ADAMTSL1: variants seen among roughly 807,000 people sequenced by gnomAD.
ADAMTSL1 encodes ADAMTS-like protein 1.
A neutral mutation model predicts 201.8 loss-of-function variants in ADAMTSL1; 126 were observed. That is an observed-to-expected ratio of 0.62 (90% CI 0.54 to 0.72). The LOEUF is 0.72. Among genes scored for constraint, ADAMTSL1 ranks in the 30% least tolerant of loss-of-function variants. ADAMTSL1 has a pLI of 0.00. For synonymous variants in ADAMTSL1, 1,121 were observed against 903.4 expected, an observed-to-expected ratio of 1.24 and a Z score of -4.32; for missense variants, 2,679 against 2,277.8, an observed-to-expected ratio of 1.18 and a Z score of -3.59.
At chr9:18,259,091 C>G (rs763969564) in intron 2 of ADAMTSL1, among the ~76,000 whole-genome samples, 13 of 152,198 alleles carry the variant, frequency 8.5e-5, no homozygotes, top group Non-Finnish European at 1.3e-4. Flanking sequence ...CATATTTCTC[C>G]TGGCTCCATA....
intron 16 of ADAMTSL1, among the ~76,000 whole-genome samples, chr9:18,756,818 AACACAGTGTTACC>A (rs1204130262): frequency 1.6e-4 from 25 of 151,976 alleles, no homozygotes; most frequent in African/African-American, 5.8e-4. Context: ...TCTCTGTGTG[AACACAGTGTTACC>A]ACTGACCTCA....
intron 15 of ADAMTSL1, chr9:18,723,619 C>T: frequency 6.5e-6 from 1 of 154,906 alleles, no homozygotes; most frequent in South Asian, 2.0e-4. Context: ...TCTCTGATTT[C>T]CCACCAGCCA....
chr9:18,548,082 C>T (rs1820582371), intron 3 of ADAMTSL1, among the ~76,000 whole-genome samples: 1 of 151,922 alleles, frequency 6.6e-6, no homozygotes, highest in African/African-American at 2.4e-5. Context: ...AAAGTCAATC[C>T]TCTTTATTGA....
chr9:18,071,971 C>T (rs569246697), intron 1 of ADAMTSL1, among the ~76,000 whole-genome samples: 2 of 152,154 alleles, frequency 1.3e-5, no homozygotes, highest in Non-Finnish European at 2.9e-5. Flanking sequence ...TAATATAGAA[C>T]AAGCTTAATG....
chr9:18,604,442 G>A (rs1218238471), intron 4 of ADAMTSL1, among the ~76,000 whole-genome samples: 1 of 152,168 alleles, frequency 6.6e-6, no homozygotes, highest in African/African-American at 2.4e-5. Flanking sequence ...CTAACCCCCA[G>A]TAATCACCAT....
chr9:18,478,436 C>A (rs1821568675), intron 1 of ADAMTSL1, among the ~76,000 whole-genome samples: 1 of 151,500 alleles, frequency 6.6e-6, no homozygotes, highest in South Asian at 2.1e-4. Context: ...CGTGTAGATA[C>A]AGTTTGTGAA....
At chr9:18,496,615 A>T (rs970722742) in intron 1 of ADAMTSL1, among the ~76,000 whole-genome samples, 5 of 152,174 alleles carry the variant, frequency 3.3e-5, no homozygotes, top group Non-Finnish European at 5.9e-5. Context: ...CCCTATTATC[A>T]GTTATAATTT....
chr9:18,197,319 T>A (rs1035551756), intron 2 of ADAMTSL1, among the ~76,000 whole-genome samples: 30 of 152,036 alleles, frequency 2.0e-4, no homozygotes, highest in Admixed American at 6.6e-4. Context: ...GAGCATGGAA[T>A]GTTCTTCCAT....
At chr9:18,578,530 A>G (rs1822884545) in intron 4 of ADAMTSL1, among the ~76,000 whole-genome samples, 1 of 152,176 alleles carries the variant, frequency 6.6e-6, no homozygotes, top group Non-Finnish European at 1.5e-5. Context: ...TCTAGGTTGG[A>G]ATCTAAGCTC....
chr9:17,974,814 A>G (rs779135961), intron 1 of ADAMTSL1, among the ~76,000 whole-genome samples: 6 of 152,074 alleles, frequency 3.9e-5, no homozygotes, highest in African/African-American at 4.8e-5. Flanking sequence ...TATGTTGGCT[A>G]TTATGAATAA....
chr9:18,661,885 AT>A lies in ADAMTSL1; in HGVS notation c.947-48del, dbSNP rs1017208369. 2.6e-6 allele frequency: 4 copies of A among 1,558,436 alleles called. No individual in the cohort carries two copies. In the Admixed American group the frequency reaches 5.8e-5, roughly 23 times the overall value. On this transcript the variant is annotated intron_variant, in intron 8 of 28. Transcript: ENST00000380548. ...CTGGCCAAAATGCATAAAGAAATAT[AT>A]TGCATTGGCATGTACATTTAAACTT...
At chr9:18,639,933 C>G (rs1827340125) in intron 7 of ADAMTSL1, among the ~76,000 whole-genome samples, 1 of 152,076 alleles carries the variant, frequency 6.6e-6, no homozygotes, top group Non-Finnish European at 1.5e-5. Flanking sequence ...GCACATTCTG[C>G]TGGAAAAGTG....
intron 13 of ADAMTSL1, among the ~76,000 whole-genome samples, chr9:18,686,275 C>A (rs1455201885): frequency 6.6e-6 from 1 of 152,174 alleles, no homozygotes; most frequent in Non-Finnish European, 1.5e-5. Flanking sequence ...TAAATTATTT[C>A]TGTACTGTAA....
intron 2 of ADAMTSL1, among the ~76,000 whole-genome samples, chr9:18,417,545 G>A (rs949355868): frequency 2.0e-5 from 3 of 151,904 alleles, no homozygotes; most frequent in African/African-American, 7.2e-5. Flanking sequence ...TACCATATCA[G>A]AATGATACAG....
chr9:18,748,430 A>G (rs562606559), intron 15 of ADAMTSL1, among the ~76,000 whole-genome samples: 47 of 152,310 alleles, frequency 3.1e-4, no homozygotes, highest in Middle Eastern at 3.4e-3. Context: ...TTTCTGGGGG[A>G]AAAACACCAT....
chr9:18,882,632 G>A (rs138224784), intron 23 of ADAMTSL1, among the ~76,000 whole-genome samples: 172 of 152,140 alleles, frequency 1.1e-3, no homozygotes, highest in East Asian at 6.6e-3. Context: ...CATGGACCTC[G>A]TGGCATGTAG....
intron 20 of ADAMTSL1, among the ~76,000 whole-genome samples, chr9:18,803,421 A>G (rs1041818879): frequency 8.5e-5 from 13 of 152,190 alleles, no homozygotes; most frequent in African/African-American, 2.9e-4. Context: ...ACATGATTAG[A>G]CTGGGCCTAC....
At chr9:17,974,400 C>G (rs1045371186) in intron 1 of ADAMTSL1, among the ~76,000 whole-genome samples, 1 of 151,956 alleles carries the variant, frequency 6.6e-6, no homozygotes, top group African/African-American at 2.4e-5. Flanking sequence ...CAGCAAAGTT[C>G]TATTTTCTTA....
chr9:18,209,326 G>A (rs1372611219), intron 2 of ADAMTSL1, among the ~76,000 whole-genome samples: 1 of 152,086 alleles, frequency 6.6e-6, no homozygotes, highest in African/African-American at 2.4e-5. Context: ...CTTCACTATT[G>A]TTCTGGTGAA....
Sources: gnomAD v4.1 joint callset for allele counts (sites outside exome capture counted in the v4.1 genomes callset) on GRCh38, gnomAD v4.1.1 for gene constraint, MANE v1.5 for transcripts, NCBI Gene and HGNC (gene_info 2026-07-23, HGNC 2026-07-21) for gene names.